Variants in UNC79 observed in about 807,000 individuals in gnomAD.
UNC79 encodes protein unc-79 homolog.
In UNC79, 37 loss-of-function variants were observed where a neutral mutation model predicts 283.1. The observed-to-expected ratio is 0.13, with a 90% CI of 0.10 to 0.17. UNC79 has a LOEUF of 0.17. Ranked by LOEUF, UNC79 falls within the 10% of genes least tolerant of loss-of-function variation. UNC79 has a pLI of 1.00. For missense variants in UNC79, 2,272 were observed against 3,211.1 expected, an observed-to-expected ratio of 0.71 and a Z score of 7.07; for synonymous variants, 1,107 against 1,200.2, an observed-to-expected ratio of 0.92 and a Z score of 1.61.
intron 41 of UNC79, 114 bp from the exon 45 acceptor site, chr14:93,682,503 C>A: frequency 1.1e-6 from 1 of 885,474 alleles, no homozygotes; most frequent in Non-Finnish European, 1.8e-6. Context: ...CTATCCAAGG[C>A]AGATCGTCAT....
chr14:93,639,896 G>A (rs2068862038), intron 32 of UNC79, among the ~76,000 whole-genome samples: 1 of 152,164 alleles, frequency 6.6e-6, no homozygotes, highest in African/African-American at 2.4e-5. Context: ...CCCTATTTGA[G>A]GAAAGGTCAT....
At chr14:93,479,267 C>G (rs1270631304) in intron 4 of UNC79, among the ~76,000 whole-genome samples, 1 of 149,578 alleles carries the variant, frequency 6.7e-6, no homozygotes, top group Non-Finnish European at 1.5e-5. Context: ...CTCCCTCCCT[C>G]CATTCTTCCC....
chr14:93,562,075 G>C (rs562172726), intron 14 of UNC79, among the ~76,000 whole-genome samples: 3 of 152,268 alleles, frequency 2.0e-5, no homozygotes, highest in African/African-American at 4.8e-5. Context: ...GGGAAGTAGT[G>C]GGGAGTACTT....
At chr14:93,356,511 G>A (rs529244348) in intron 1 of UNC79, among the ~76,000 whole-genome samples, 10 of 152,306 alleles carry the variant, frequency 6.6e-5, no homozygotes, top group Middle Eastern at 3.4e-3. Context: ...CAGAATTGCC[G>A]AATGCAGGGC....
chr14:93,460,249 C>G (rs926708162), intron 1 of UNC79, among the ~76,000 whole-genome samples: 1 of 147,680 alleles, frequency 6.8e-6, no homozygotes, highest in African/African-American at 2.5e-5. Flanking sequence ...GTGGCTTACG[C>G]CTGTAATCCC....
intron 1 of UNC79, among the ~76,000 whole-genome samples, chr14:93,337,446 A>C (rs2053603070): frequency 6.6e-6 from 1 of 152,198 alleles, no homozygotes; most frequent in East Asian, 1.9e-4. Flanking sequence ...TGACCTGTGG[A>C]TGGTGACATA....
intron 7 of UNC79, among the ~76,000 whole-genome samples, chr14:93,508,276 T>A (rs1316744832): frequency 6.6e-6 from 1 of 151,568 alleles, no homozygotes. Context: ...TCTAGCACTT[T>A]GGGAGGCCGA....
chr14:93,404,327 T>TA (rs11387953), intron 1 of UNC79, among the ~76,000 whole-genome samples: 90,868 of 136,480 alleles, frequency 0.67, 30,346 homozygotes, highest in Middle Eastern at 0.77. Context: ...TCTACAAAAA[T>TA]AAAAAAAAAA....
At position 93,695,890 on chromosome 14, in the gene UNC79, C is replaced by CAAAAAAAAA. The variant is rs535235954; in HGVS notation, c.7548+1490_7548+1498dup. On this transcript the variant is annotated intron_variant, in intron 47 of 48. Coordinates refer to ENST00000555664, the Ensembl canonical transcript of UNC79. ...TGGGCAACAGGATGAGACTTTGTCT[C>CAAAAAAAAA]AAAAAAAAAAAAAAAAAAAAGCAAA... Among the ~76,000 whole-genome samples the CAAAAAAAAA allele has an allele frequency of 6.1e-3, 242 of 39,404 alleles. 22 individuals carry two copies. Among genetic ancestry groups the CAAAAAAAAA allele is most frequent in the Non-Finnish European group, 7.3e-3 (156 of 21,438 alleles). 25.9% of individuals were successfully genotyped at this position (39,404 alleles called of 152,430 possible).
intron 35 of UNC79, among the ~76,000 whole-genome samples, chr14:93,653,140 G>C (rs1241248577): frequency 1.3e-5 from 2 of 151,880 alleles, no homozygotes; most frequent in African/African-American, 2.4e-5. Context: ...CATCCTTTCT[G>C]GTACCTTAGT....
intron 48 of UNC79, among the ~76,000 whole-genome samples, 180 bp from the exon 52 acceptor site, chr14:93,706,524 C>G (rs566261670): frequency 6.6e-6 from 1 of 152,142 alleles, no homozygotes; most frequent in Non-Finnish European, 1.5e-5. Flanking sequence ...CAGGACGACT[C>G]TAGAAAACAC....
At chr14:93,661,850 G>A (rs897499766) in intron 39 of UNC79, among the ~76,000 whole-genome samples, 5 of 152,128 alleles carry the variant, frequency 3.3e-5, no homozygotes, top group Admixed American at 6.6e-5. Flanking sequence ...CTTATTCAAG[G>A]TCACAGTGAG....
chr14:93,667,035 T>C (rs181306852), intron 40 of UNC79, among the ~76,000 whole-genome samples: 3 of 151,700 alleles, frequency 2.0e-5, no homozygotes, highest in South Asian at 2.1e-4. Flanking sequence ...ACCCAGGAGT[T>C]TGAGGCTGCC....
At chr14:93,460,203 CAAAAAAAAA>C (rs749082123) in intron 1 of UNC79, among the ~76,000 whole-genome samples, 3 of 33,878 alleles carry the variant, frequency 8.9e-5, no homozygotes, top group East Asian at 9.8e-4. Context: ...GATTCCGTCT[CAAAAAAAAA>C]AAAAAAAAAA....
intron 1 of UNC79, among the ~76,000 whole-genome samples, chr14:93,358,045 G>A (rs1160334554): frequency 4.0e-5 from 6 of 150,682 alleles, no homozygotes; most frequent in African/African-American, 1.5e-4. Flanking sequence ...TTGGTACCAG[G>A]AGTGGTTCTA....
intron 7 of UNC79, among the ~76,000 whole-genome samples, chr14:93,522,793 G>A (rs1307198750): frequency 6.6e-6 from 1 of 151,998 alleles, no homozygotes. Flanking sequence ...AAATAGACCT[G>A]TTGTATATTT....
Position 93,442,794 on chromosome 14 carries a change from A to T in UNC79, c.22+11743A>T, listed in dbSNP as rs191565043. On this transcript the variant is annotated intron_variant, in intron 1 of 48. Coordinates refer to ENST00000555664, the Ensembl canonical transcript of UNC79. ...GTAACCACTACCACAATAAAGATAA[A>T]GACCCATATCCTGGCCGGACATGGT... is the stretch of plus-strand genomic sequence containing the variant. Among the ~76,000 whole-genome samples the T allele has an allele frequency of 3.9e-5, 6 of 152,364 alleles. No individual in the cohort carries two copies. In the East Asian group the frequency reaches 1.2e-3, roughly 29 times the overall value.
intron 1 of UNC79, among the ~76,000 whole-genome samples, chr14:93,362,043 A>G (rs1035914095): frequency 7.2e-5 from 11 of 152,154 alleles, no homozygotes; most frequent in Non-Finnish European, 1.3e-4. Context: ...AAACCTACAT[A>G]ATCACGATGG....
chr14:93,704,587 G>A (rs923705672), intron 47 of UNC79, 38 bp from the exon 51 acceptor site: 17 of 1,610,534 alleles, frequency 1.1e-5, no homozygotes, highest in Non-Finnish European at 1.4e-5. Context: ...GGAGAATAGA[G>A]GACACTAATA....
Sources: allele counts gnomAD v4.1 joint callset (sites outside exome capture counted in the v4.1 genomes callset), GRCh38; gene constraint gnomAD v4.1.1; transcripts MANE v1.5; gene names NCBI Gene and HGNC (gene_info 2026-07-23, HGNC 2026-07-21).